ANKS1B: variants seen among roughly 807,000 people sequenced by gnomAD.
ANKS1B encodes ankyrin repeat and sterile alpha motif domain containing 1B.
In ANKS1B, 36 loss-of-function variants were observed where a neutral mutation model predicts 148.3. The observed-to-expected ratio is 0.24, with a 90% CI of 0.19 to 0.32. The LOEUF (loss-of-function observed/expected upper bound fraction) is 0.32. ANKS1B is among the 10% of genes least tolerant of loss of function. ANKS1B has a pLI of 1.00. For missense variants in ANKS1B, 1,157 were observed against 1,542.6 expected, an observed-to-expected ratio of 0.75 and a Z score of 4.19; for synonymous variants, 542 against 560.8, an observed-to-expected ratio of 0.97 and a Z score of 0.47.
intron 12 of ANKS1B, among the ~76,000 whole-genome samples, chr12:99,319,855 C>T (rs1328947754): frequency 6.6e-6 from 1 of 152,160 alleles, no homozygotes; most frequent in Admixed American, 6.5e-5. Flanking sequence ...ATGTTTAGTG[C>T]TTCCTTCAGG....
At chr12:99,026,784 C>G (rs1204788490) in intron 17 of ANKS1B, among the ~76,000 whole-genome samples, 1 of 152,054 alleles carries the variant, frequency 6.6e-6, no homozygotes, top group Non-Finnish European at 1.5e-5. Context: ...TTCAGATTTA[C>G]AGGAAAGAAA....
At chr12:99,783,201 AAAAAGAAAAG>A (rs1347123284) in intron 4 of ANKS1B, among the ~76,000 whole-genome samples, 1 of 151,666 alleles carries the variant, frequency 6.6e-6, no homozygotes, top group African/African-American at 2.4e-5. Context: ...AAAAAAAAAA[AAAAAGAAAAG>A]AAAAAGAAAA....
At chr12:98,869,199 A>G (rs2099640713) in intron 17 of ANKS1B, among the ~76,000 whole-genome samples, 1 of 152,190 alleles carries the variant, frequency 6.6e-6, no homozygotes, top group Non-Finnish European at 1.5e-5. Flanking sequence ...TTCACCATTA[A>G]TTATACCCCA....
At chr12:99,378,960 T>C (rs935989292) in intron 12 of ANKS1B, among the ~76,000 whole-genome samples, 1 of 152,160 alleles carries the variant, frequency 6.6e-6, no homozygotes, top group Non-Finnish European at 1.5e-5. Context: ...CCTATACTCT[T>C]CCATCCATTT....
intron 12 of ANKS1B, among the ~76,000 whole-genome samples, chr12:99,267,333 A>T (rs540132734): frequency 1.3e-4 from 19 of 151,912 alleles, no homozygotes; most frequent in African/African-American, 4.1e-4. Flanking sequence ...TTTATGCCTA[A>T]TTTTTTTTCT....
intron 9 of ANKS1B, among the ~76,000 whole-genome samples, chr12:99,551,167 A>T (rs1290342160): frequency 6.6e-6 from 1 of 152,152 alleles, no homozygotes; most frequent in Non-Finnish European, 1.5e-5. Flanking sequence ...AACACCTAAA[A>T]CACAGAGTCT....
At chr12:98,803,777 T>C (rs1408917913) in intron 20 of ANKS1B, among the ~76,000 whole-genome samples, 2 of 152,248 alleles carry the variant, frequency 1.3e-5, no homozygotes, top group Non-Finnish European at 2.9e-5. Flanking sequence ...ACATTAAGCA[T>C]GCAAATCATA....
At chr12:99,257,313 C>G (rs1019968498) in intron 12 of ANKS1B, among the ~76,000 whole-genome samples, 2 of 151,952 alleles carry the variant, frequency 1.3e-5, no homozygotes, top group Non-Finnish European at 2.9e-5. Flanking sequence ...TACTTCATAT[C>G]TCTTCATACC....
At chr12:99,567,246 C>T (rs1178185607) in intron 9 of ANKS1B, among the ~76,000 whole-genome samples, 1 of 152,158 alleles carries the variant, frequency 6.6e-6, no homozygotes, top group Non-Finnish European at 1.5e-5. Flanking sequence ...TGATTCTTTG[C>T]TTTCTTCTAG....
At chr12:98,760,639 G>T (rs1244766143) in intron 25 of ANKS1B, among the ~76,000 whole-genome samples, 1 of 152,178 alleles carries the variant, frequency 6.6e-6, no homozygotes, top group African/African-American at 2.4e-5. Context: ...ATTTGGCAAA[G>T]AATCTTGTTT....
intron 14 of ANKS1B, among the ~76,000 whole-genome samples, chr12:99,222,366 C>A (rs921269913): frequency 2.0e-5 from 3 of 152,128 alleles, no homozygotes; most frequent in Non-Finnish European, 4.4e-5. Flanking sequence ...GTAATGCCAG[C>A]ACCTTGGGAA....
chr12:99,291,324 C>A (rs980445111), intron 12 of ANKS1B, among the ~76,000 whole-genome samples: 1 of 152,046 alleles, frequency 6.6e-6, no homozygotes, highest in East Asian at 1.9e-4. Context: ...CTAACCAAAG[C>A]TATGTGCAGA....
chr12:98,896,214 A>G (rs1234605795), intron 17 of ANKS1B, among the ~76,000 whole-genome samples: 1 of 152,252 alleles, frequency 6.6e-6, no homozygotes, highest in Non-Finnish European at 1.5e-5. Context: ...TTCAGGAGAC[A>G]TTCACTTGCT....
chr12:99,100,689 C>G (rs921419319), intron 15 of ANKS1B, among the ~76,000 whole-genome samples: 1 of 152,150 alleles, frequency 6.6e-6, no homozygotes, highest in Non-Finnish European at 1.5e-5. Context: ...GCCATCACGC[C>G]CAGCTAAGTT....
intron 1 of ANKS1B, among the ~76,000 whole-genome samples, chr12:99,948,694 G>T (rs937843114): frequency 1.3e-5 from 2 of 152,040 alleles, no homozygotes; most frequent in Admixed American, 6.6e-5. Context: ...CCCCAACATC[G>T]CACCTCCTTT....
intron 12 of ANKS1B, among the ~76,000 whole-genome samples, chr12:99,310,721 A>T (rs1403210002): frequency 6.6e-6 from 1 of 152,106 alleles, no homozygotes; most frequent in Non-Finnish European, 1.5e-5. Flanking sequence ...CACCCTATAG[A>T]TCTTGGGAGT....
chr12:98,790,714 G>C (rs1419438194), intron 22 of ANKS1B, among the ~76,000 whole-genome samples: 1 of 152,172 alleles, frequency 6.6e-6, no homozygotes, highest in African/African-American at 2.4e-5. Flanking sequence ...AAACAAAATT[G>C]AAATCTGTGT....
chr12:99,320,718 G>A (rs576202652), intron 12 of ANKS1B, among the ~76,000 whole-genome samples: 8 of 152,190 alleles, frequency 5.3e-5, no homozygotes, highest in Non-Finnish European at 5.9e-5. Flanking sequence ...GTCATTTTCC[G>A]TTCAGCTTTG....
chr12:98,867,669 G>T (rs1024164983), intron 17 of ANKS1B, among the ~76,000 whole-genome samples: 6 of 150,914 alleles, frequency 4.0e-5, no homozygotes, highest in Non-Finnish European at 5.9e-5. Context: ...GACCATCCTG[G>T]CTTCATCCTG....
Sources: allele counts gnomAD v4.1 joint callset (sites outside exome capture counted in the v4.1 genomes callset), GRCh38; gene constraint gnomAD v4.1.1; transcripts MANE v1.5; gene names NCBI Gene and HGNC (gene_info 2026-07-23, HGNC 2026-07-21).